Variants in TMEM223 observed in about 807,000 individuals in gnomAD.
TMEM223 encodes the protein transmembrane protein 223.
TMEM223 carries 14 observed loss-of-function variants against 14.1 expected under a neutral mutation model. The observed-to-expected ratio is 0.99, with a 90% confidence interval of 0.66 to 1.55. The LOEUF is 1.55. TMEM223 is among the 40% of genes most tolerant of loss of function. TMEM223 has a pLI of 0.00. For synonymous variants in TMEM223, 145 were observed against 120.5 expected (o/e 1.20, Z -1.33); for missense variants, 346 against 269.9 (o/e 1.28, Z -1.97).
At position 62,782,205 on chromosome 11, in the gene TMEM223, C is replaced by T. The variant is rs142593191; in HGVS notation, c.315-7540G>A. The T allele has an allele frequency of 6.8e-5, 110 of 1,614,184 alleles. 1 individual carries two copies. The African/African-American group carries it at 1.3e-3, about 20-fold the overall frequency. On this transcript the variant is annotated intron_variant, in intron 1 of 2. Transcript: ENST00000528367. ...GTAATCCGCACCTGTGCTTGGGGCC[C>T]TATGTCCGCTGTCTGGTGGGCAGTG...
intron 2 of TMEM223, chr11:62,772,251 G>T: frequency 4.9e-6 from 2 of 408,272 alleles, no homozygotes; most frequent in East Asian, 1.5e-4. Context: ...GCCGGGCGCG[G>T]TGGCTCACGC....
Position 62,779,954 on chromosome 11 carries a change from A to G in TMEM223, c.315-5289T>C, listed in dbSNP as rs1327228999. On this transcript the variant is annotated intron_variant, in intron 1 of 2. Transcript: ENST00000528367. ...GTGGTGGGATTACAGGCGTGAGCCTATATATATATATATATATATATATTT... is the reference window on the plus strand; with the variant it reads ...GTGGTGGGATTACAGGCGTGAGCCTGTATATATATATATATATATATATTT... Among the ~76,000 whole-genome samples, 5 of 91,056 alleles carry G rather than the reference A, an allele frequency of 5.5e-5. No homozygotes were observed. The East Asian group carries it at 1.3e-3, about 23-fold the overall frequency. 59.7% of individuals were successfully genotyped at this position (91,056 alleles called of 152,430 possible).
In TMEM223 at chr11:62,791,867, C is replaced by G. The variant is rs761982656; in HGVS notation, c.128G>C (p.Arg43Pro). Residue 43 changes from arginine to proline, a missense_variant, in exon 1 of 2, where the codon CGC becomes CCC. Arg to Pro is a moderately radical substitution (Grantham distance 103). Transcript: ENST00000307366. ...GAACAGCCCGAGGATGGTGAAGAAG[C>G]GGCCCCGATCATGCTCAAAGAGCAG... The part of the protein sequence containing the change: ...DVLLFEHDRG[R>P]FFTILGLFCA... 51 of 1,592,196 alleles carry G rather than the reference C, an allele frequency of 3.2e-5. No homozygotes were observed. Among genetic ancestry groups the G allele is most frequent in the Non-Finnish European group, 4.1e-5 (48 of 1,170,158 alleles).
At chr11:62,779,952 C>CTATATATATATATATA (rs1225374367) in intron 1 of TMEM223, among the ~76,000 whole-genome samples, 2 of 100,056 alleles carry the variant, frequency 2.0e-5, no homozygotes, top group African/African-American at 8.9e-5. Context: ...AGGCGTGAGC[C>CTATATATATATATATA]TATATATATA....
chr11:62,777,995 A>G lies in TMEM223; in HGVS notation c.315-3330T>C, dbSNP rs772062298. The G allele has an allele frequency of 1.9e-6, 3 of 1,614,114 alleles. No homozygotes were observed. The South Asian group carries it at 3.3e-5, about 18-fold the overall frequency. On this transcript the variant is annotated intron_variant, in intron 1 of 2. Transcript: ENST00000528367. ...TTCCTCAGGCTGTGTGTGGTTACGG[A>G]TCACAGGAGGCACTGCCCATGCGCC...
intron 1 of TMEM223, chr11:62,775,831 T>C (rs2084183475): frequency 6.2e-7 from 1 of 1,612,992 alleles, no homozygotes; most frequent in South Asian, 1.1e-5. Context: ...CTCGGGAGTC[T>C]GTCCGGCTCA....
In TMEM223 at chr11:62,790,496, G is replaced by T; in HGVS notation, c.*127C>A. ...TCGCTATGTTGCCCAGCCTGGGCTC[G>T]AGCAGTGCTCCTGCCTCACCCTCCC... On this transcript the variant is annotated 3_prime_UTR_variant, in exon 2 of 2. Coordinates refer to ENST00000307366, the MANE Select transcript of TMEM223 (RefSeq NM_001080501.3). The T allele has an allele frequency of 2.3e-6, 2 of 852,916 alleles. No homozygotes were observed. Among genetic ancestry groups the T allele is most frequent in the East Asian group, 2.8e-5 (1 of 35,754 alleles). The allele number at this position is 852,916 out of a possible 1,614,324, so 52.8% of individuals were successfully genotyped here.
At chr11:62,778,666 A>C (rs759584616) in intron 1 of TMEM223, 15 of 615,910 alleles carry the variant, frequency 2.4e-5, no homozygotes, top group Non-Finnish European at 4.0e-5. Context: ...GGTGGGTGGA[A>C]GACAGGACAG....
At chr11:62,779,952 C>CCATATATATATATATATATATA (rs1332185092) in intron 1 of TMEM223, among the ~76,000 whole-genome samples, 1 of 100,064 alleles carries the variant, frequency 1.0e-5, no homozygotes, top group African/African-American at 4.5e-5. Flanking sequence ...AGGCGTGAGC[C>CCATATATATATATATATATATA]TATATATATA....
Position 62,790,271 on chromosome 11 carries a change from A to G in TMEM223, c.*352T>C, listed in dbSNP as rs1294694018. 1.7e-6 allele frequency: 1 copy of G among 572,020 alleles called. No individual in the cohort carries two copies. The highest frequency in any genetic ancestry group is 3.0e-6 in the Non-Finnish European group (1 of 336,798). 35.4% of individuals were successfully genotyped at this position (572,020 alleles called of 1,614,324 possible). A position where few individuals can be genotyped will look rare whatever the true frequency, so the allele number is the denominator to read the frequency against. On this transcript the variant is annotated 3_prime_UTR_variant, in exon 2 of 2. Transcript: ENST00000307366. ...AGTAGTGAGTTTTTGATGTTAAAGTACAACTAGATAGGAGGAAGGAGTGAA... is the reference window on the plus strand; with the variant it reads ...AGTAGTGAGTTTTTGATGTTAAAGTGCAACTAGATAGGAGGAAGGAGTGAA...
chr11:62,776,449 C>G (rs779605592), intron 1 of TMEM223: 3 of 1,613,708 alleles, frequency 1.9e-6, no homozygotes, highest in Non-Finnish European at 2.5e-6. Flanking sequence ...TCAACAGGGC[C>G]CTCAGATGGA....
chr11:62,782,537 CT>C, downstream of TMEM223: 4 of 1,187,312 alleles, frequency 3.4e-6, no homozygotes, highest in Non-Finnish European at 3.5e-6. Context: ...TTCTTCAGCC[CT>C]CAGGTCCTAG....
At chr11:62,777,826 C>T in intron 1 of TMEM223, 2 of 901,716 alleles carry the variant, frequency 2.2e-6, no homozygotes, top group Non-Finnish European at 3.3e-6. Context: ...CCAGTGGTGG[C>T]TCTGAGTCCC....
chr11:62,790,401 C>A lies in TMEM223; in HGVS notation c.*222G>T, dbSNP rs531670267. 16 of 571,652 alleles carry A rather than the reference C, an allele frequency of 2.8e-5. No individual in the cohort carries two copies. The highest frequency in any genetic ancestry group is 1.4e-4 in the Admixed American group (4 of 28,954). The allele number at this position is 571,652 out of a possible 1,614,324, so 35.4% of individuals were successfully genotyped here. A position where few individuals can be genotyped will look rare whatever the true frequency, so the allele number is the denominator to read the frequency against. Reference sequence around the variant, plus strand: ...AATGAATCTTGACCTCCTTGTGTGACCCTGGTTGTTACTCCATTCTAAGAT... The same window carrying A: ...AATGAATCTTGACCTCCTTGTGTGAACCTGGTTGTTACTCCATTCTAAGAT... On this transcript the variant is annotated 3_prime_UTR_variant, in exon 2 of 2. Transcript: ENST00000307366.
At chr11:62,782,755 T>A, downstream of TMEM223, 1 of 1,613,088 alleles carries the variant, frequency 6.2e-7, no homozygotes, top group Non-Finnish European at 8.5e-7. Context: ...CAGAAGATCC[T>A]GGCAGATCCT....
At chr11:62,786,491 CCTAT>C (rs759162420), downstream of TMEM223, 43 of 1,573,184 alleles carry the variant, frequency 2.7e-5, no homozygotes, top group Admixed American at 1.6e-4. Flanking sequence ...GAATTTTTTG[CCTAT>C]CTTAGTCCTT....
At chr11:62,772,688 G>C (rs1477107236) in intron 2 of TMEM223, among the ~76,000 whole-genome samples, 1 of 150,794 alleles carries the variant, frequency 6.6e-6, no homozygotes, top group Non-Finnish European at 1.5e-5. Context: ...AAATTAGCCA[G>C]GTGTGGCGGC....
exon 3 of TMEM223, chr11:62,771,834 C>T (rs2084150170): frequency 3.4e-6 from 1 of 296,818 alleles, no homozygotes; most frequent in South Asian, 2.8e-5. Flanking sequence ...AGGGAAACTC[C>T]CTCCGTGCCT....
chr11:62,775,399 GTCATC>G (rs1353430737), intron 1 of TMEM223, among the ~76,000 whole-genome samples: 18 of 152,218 alleles, frequency 1.2e-4, no homozygotes, highest in Non-Finnish European at 2.1e-4. Flanking sequence ...AATCATATCA[GTCATC>G]TCATTTTCAC....
Sources: allele counts gnomAD v4.1 joint callset (sites outside exome capture counted in the v4.1 genomes callset), GRCh38; gene constraint gnomAD v4.1.1; transcripts MANE v1.5; gene names NCBI Gene and HGNC (gene_info 2026-07-23, HGNC 2026-07-21).